ARHGAP24: variants seen among roughly 807,000 people sequenced by gnomAD.
ARHGAP24 encodes Rho GTPase activating protein 24, also known as rho GTPase-activating protein 24.
ARHGAP24 carries 50 observed loss-of-function variants against 76.4 expected under a neutral mutation model. The ratio of observed to expected loss-of-function variants is 0.65; its 90% CI spans 0.52 to 0.83. The LOEUF is 0.83. ARHGAP24 is among the 40% of genes least tolerant of loss of function. The pLI is 0.00. For synonymous variants in ARHGAP24, 345 were observed against 323.3 expected (o/e 1.07, Z -0.72); for missense variants, 930 against 914.2 (o/e 1.02, Z -0.22).
intron 3 of ARHGAP24, among the ~76,000 whole-genome samples, chr4:85,870,726 A>G (rs774052240): frequency 1.3e-5 from 2 of 152,128 alleles, no homozygotes; most frequent in Non-Finnish European, 2.9e-5. Flanking sequence ...CTGTATAATA[A>G]TATTTAATTA....
At chr4:85,896,824 G>C (rs1734204964) in intron 3 of ARHGAP24, among the ~76,000 whole-genome samples, 1 of 152,058 alleles carries the variant, frequency 6.6e-6, no homozygotes, top group African/African-American at 2.4e-5. Context: ...AATGTAGATT[G>C]GTCTGGGTTG....
chr4:85,735,881 A>G (rs1725586532), intron 3 of ARHGAP24, among the ~76,000 whole-genome samples: 1 of 152,184 alleles, frequency 6.6e-6, no homozygotes, highest in Non-Finnish European at 1.5e-5. Flanking sequence ...TTCAAGTATG[A>G]TCAAGTCACC....
intron 2 of ARHGAP24, among the ~76,000 whole-genome samples, chr4:85,603,122 A>G (rs1178923769): frequency 6.6e-6 from 1 of 152,254 alleles, no homozygotes; most frequent in African/African-American, 2.4e-5. Context: ...ACAAATAAAT[A>G]TGTTTCATTT....
At chr4:85,575,809 G>T (rs1193829036) in intron 2 of ARHGAP24, among the ~76,000 whole-genome samples, 2 of 152,144 alleles carry the variant, frequency 1.3e-5, no homozygotes, top group Non-Finnish European at 1.5e-5. Flanking sequence ...TAAAAGCTAA[G>T]TCTCAAGCTT....
chr4:85,961,565 A>G (rs902320651), intron 5 of ARHGAP24, among the ~76,000 whole-genome samples: 5 of 152,120 alleles, frequency 3.3e-5, no homozygotes, highest in Non-Finnish European at 7.4e-5. Context: ...TTAGATAATC[A>G]TAATTCTCTA....
chr4:85,594,846 G>A (rs757616867), intron 2 of ARHGAP24, among the ~76,000 whole-genome samples: 5 of 152,092 alleles, frequency 3.3e-5, no homozygotes, highest in South Asian at 4.2e-4. Flanking sequence ...TACGTATGAG[G>A]TGAAAAAGAG....
At chr4:85,992,119 C>G in intron 8 of ARHGAP24, 1 of 397,520 alleles carries the variant, frequency 2.5e-6, no homozygotes, top group African/African-American at 2.1e-5. Context: ...GTGATTATAA[C>G]CAGTCTGACC....
intron 3 of ARHGAP24, among the ~76,000 whole-genome samples, chr4:85,848,232 A>G (rs1578293275): frequency 6.6e-6 from 1 of 152,164 alleles, no homozygotes; most frequent in African/African-American, 2.4e-5. Context: ...TGTGCACAAC[A>G]TGCAGGTTTG....
At chr4:85,688,273 G>T (rs1450058063) in intron 2 of ARHGAP24, among the ~76,000 whole-genome samples, 1 of 152,152 alleles carries the variant, frequency 6.6e-6, no homozygotes, top group African/African-American at 2.4e-5. Flanking sequence ...ATTCTGACTG[G>T]TGTGACATAA....
intron 1 of ARHGAP24, among the ~76,000 whole-genome samples, chr4:85,536,001 TTAGTTTA>T (rs1725455349): frequency 6.6e-6 from 1 of 152,176 alleles, no homozygotes; most frequent in Non-Finnish European, 1.5e-5. Flanking sequence ...ATACCATGAC[TTAGTTTA>T]CATCGCTGGT....
chr4:85,606,938 G>A (rs897033656), intron 2 of ARHGAP24, among the ~76,000 whole-genome samples: 3 of 152,206 alleles, frequency 2.0e-5, no homozygotes, highest in East Asian at 1.9e-4. Context: ...TGACATTTAA[G>A]AAAAGACTTG....
rs1195907733 is a variant in ARHGAP24 at position 85,994,704 on chromosome 4, G to A, written c.1050G>A (p.Gln350=). The change falls in exon 9 of 10, where the codon CAG becomes CAA. Residue 350 remains glutamine (Q), a synonymous_variant. Transcript: ENST00000395184. The part of the protein sequence containing the change: ...QDGVSNNNEI[Q]KKATMGQLQN... Reference sequence around the variant, plus strand: ...GAGTGAGCAACAACAATGAAATTCAGAAGAAAGCCACCATGGGGCAGTTAC... The same window carrying A: ...GAGTGAGCAACAACAATGAAATTCAAAAGAAAGCCACCATGGGGCAGTTAC... The A allele has an allele frequency of 1.2e-6, 2 of 1,614,144 alleles. No homozygotes were observed. The highest frequency in any genetic ancestry group is 3.3e-4 in the Middle Eastern group (2 of 6,062).
chr4:85,967,873 G>A (rs984121986), intron 5 of ARHGAP24, among the ~76,000 whole-genome samples: 1 of 152,072 alleles, frequency 6.6e-6, no homozygotes, highest in Non-Finnish European at 1.5e-5. Context: ...AGCAGTTTGG[G>A]CCAAAATGGT....
At chr4:85,579,545 T>C (rs551414471) in intron 2 of ARHGAP24, among the ~76,000 whole-genome samples, 3 of 151,982 alleles carry the variant, frequency 2.0e-5, no homozygotes, top group Admixed American at 2.0e-4. Context: ...TCTTTAGCTT[T>C]ATCTTGCCTA....
At chr4:85,922,581 A>G (rs1735786431) in intron 3 of ARHGAP24, among the ~76,000 whole-genome samples, 1 of 152,248 alleles carries the variant, frequency 6.6e-6, no homozygotes, top group African/African-American at 2.4e-5. Flanking sequence ...TAATATTAAC[A>G]TATTATCAGG....
At chr4:85,894,067 T>C (rs1259564230) in intron 3 of ARHGAP24, among the ~76,000 whole-genome samples, 2 of 129,412 alleles carry the variant, frequency 1.5e-5, no homozygotes, top group African/African-American at 6.0e-5. Context: ...ACTTGCACAA[T>C]GTGCACATGT....
intron 1 of ARHGAP24, among the ~76,000 whole-genome samples, chr4:85,500,494 G>C (rs1331188224): frequency 6.6e-6 from 1 of 152,144 alleles, no homozygotes; most frequent in Admixed American, 6.5e-5. Context: ...AAACAACTAG[G>C]AATATTTAGA....
At chr4:85,842,413 T>C (rs1194184117) in intron 3 of ARHGAP24, among the ~76,000 whole-genome samples, 1 of 152,190 alleles carries the variant, frequency 6.6e-6, no homozygotes, top group Non-Finnish European at 1.5e-5. Context: ...GAGGGAGCAG[T>C]ATTATGTGTA....
At chr4:85,855,703 A>T (rs1160500844) in intron 3 of ARHGAP24, among the ~76,000 whole-genome samples, 1 of 151,504 alleles carries the variant, frequency 6.6e-6, no homozygotes, top group Admixed American at 6.6e-5. Context: ...GCTTGAACCC[A>T]GGAGGTGGAG....
Sources: gnomAD v4.1 joint callset for allele counts (sites outside exome capture counted in the v4.1 genomes callset) on GRCh38, gnomAD v4.1.1 for gene constraint, MANE v1.5 for transcripts, NCBI Gene and HGNC (gene_info 2026-07-23, HGNC 2026-07-21) for gene names.